The following ARID3A variants were observed in gnomAD, a reference collection of about 807,000 sequenced individuals.
ARID3A encodes AT-rich interactive domain-containing protein 3A.
A neutral mutation model predicts 52.7 loss-of-function variants in ARID3A; 11 were observed. That is an observed-to-expected ratio of 0.21 (90% confidence interval 0.13 to 0.35). ARID3A has a LOEUF of 0.35. Ranked by LOEUF, ARID3A falls within the 10% of genes least tolerant of loss-of-function variation. The probability of loss-of-function intolerance (pLI) is 1.00; values close to 1 mark genes in which losing one functional copy is unlikely to be tolerated. For missense variants in ARID3A, 721 were observed against 838.5 expected, an observed-to-expected ratio of 0.86 and a Z score of 1.73; for synonymous variants, 404 against 359.4, an observed-to-expected ratio of 1.12 and a Z score of -1.40.
chr19:939,959 T>C (rs1022445755), intron 3 of ARID3A, among the ~76,000 whole-genome samples: 1 of 152,042 alleles, frequency 6.6e-6, no homozygotes, highest in Non-Finnish European at 1.5e-5. Flanking sequence ...AAGGTAGCAC[T>C]GGGGTCTGCC....
At position 929,437 on chromosome 19, in the gene ARID3A, C is replaced by G; in HGVS notation, c.-92C>G. The stretch of plus-strand genomic sequence containing the variant: ...GCCCCCACGCTGCAGTGCGGCCGGG[C>G]CCCCTCCCCGCAGGGGCCGCCCCCG... On this transcript the variant is annotated 5_prime_UTR_variant, in exon 2 of 9. Coordinates refer to ENST00000263620, the MANE Select transcript of ARID3A (RefSeq NM_005224.3). This position sits in a 1 kb window ranked among gnomAD's most constrained non-coding sequence, Gnocchi z 6.2. 17 of 1,154,622 alleles carry G rather than the reference C, an allele frequency of 1.5e-5. No homozygotes were observed. Among genetic ancestry groups the G allele is most frequent in the African/African-American group, 1.7e-5 (1 of 58,310 alleles). 71.5% of individuals were successfully genotyped at this position (1,154,622 alleles called of 1,614,324 possible).
At chr19:966,472 A>G (rs956461982) in intron 6 of ARID3A, 100 bp from the exon 7 acceptor site, 6 of 1,083,758 alleles carry the variant, frequency 5.5e-6, no homozygotes, top group Non-Finnish European at 7.6e-6. Flanking sequence ...AAAAAAAAAA[A>G]AAAGAAAAGA....
In ARID3A at chr19:973,104, A is replaced by ATCT. The variant is rs775338115; in HGVS notation, c.*1040_*1041insCTT. 3.7e-5 allele frequency: 2 copies of ATCT among 53,660 alleles called. No homozygotes were observed. Among genetic ancestry groups the ATCT allele is most frequent in the East Asian group, 4.9e-4 (1 of 2,046 alleles). The allele number at this position is 53,660 out of a possible 1,614,324, so 3.3% of individuals were successfully genotyped here. A position where few individuals can be genotyped will look rare whatever the true frequency, so the allele number is the denominator to read the frequency against. ...GGGCTCTCGAGTCAGGGGCCTGGAA[A>ATCT]TTTTTTTTTTTTTTTTTTTTTGAGA... On this transcript the variant is annotated 3_prime_UTR_variant, in exon 9 of 9. Transcript: ENST00000263620.
chr19:933,849 G>GT (rs1192968941), intron 3 of ARID3A, among the ~76,000 whole-genome samples: 4 of 148,198 alleles, frequency 2.7e-5, no homozygotes, highest in Middle Eastern at 3.4e-3. Context: ...GACTCGGTGG[G>GT]GGGGGGGGGC....
chr19:970,780 A>G (rs2038262581), intron 8 of ARID3A, among the ~76,000 whole-genome samples: 1 of 151,946 alleles, frequency 6.6e-6, no homozygotes, highest in Non-Finnish European at 1.5e-5. Flanking sequence ...GCGGTAAATG[A>G]ATAGTTTTTC....
chr19:972,132 C>A lies in ARID3A; in HGVS notation c.*67C>A. ...GCCTGGGCAGGGGGTCCAGGTGGGC[C>A]ACACAGGGGCCAGGATGGCGGAAGA... On this transcript the variant is annotated 3_prime_UTR_variant, in exon 9 of 9. Transcript: ENST00000263620. The A allele has an allele frequency of 1.4e-6, 2 of 1,418,242 alleles. No individual in the cohort carries two copies. The highest frequency in any genetic ancestry group is 1.5e-5 in the African/African-American group (1 of 65,676). The allele number at this position is 1,418,242 out of a possible 1,614,324, so 87.9% of individuals were successfully genotyped here.
Position 960,875 on chromosome 19 carries a change from G to A in ARID3A, c.766+711G>A, listed in dbSNP as rs1325163311. On this transcript the variant is annotated intron_variant, in intron 4 of 8. Transcript: ENST00000263620. The surrounding 1 kb of genome is among the most constrained non-coding windows in gnomAD (Gnocchi z 4.3). Reference sequence around the variant, plus strand: ...CAGGTCTGGGCTGGTGTCCAGGTGGGGAAACTGAGGTCCAGACACAAGACA... The same window carrying A: ...CAGGTCTGGGCTGGTGTCCAGGTGGAGAAACTGAGGTCCAGACACAAGACA... Among the ~76,000 whole-genome samples the A allele has an allele frequency of 6.6e-6, 1 of 152,160 alleles. No individual in the cohort carries two copies. Among genetic ancestry groups the A allele is most frequent in the Non-Finnish European group, 1.5e-5 (1 of 68,020 alleles).
At position 968,487 on chromosome 19, in the gene ARID3A, C is replaced by T. The variant is rs759767653; in HGVS notation, c.1578C>T (p.Asn526=). 8.1e-6 allele frequency: 13 copies of T among 1,613,808 alleles called. No homozygotes were observed. The highest frequency in any genetic ancestry group is 4.0e-5 in the African/African-American group (3 of 74,934). ...SNSISMSVEI[N]GIMYTGVLFA... ...GCATCAGCATGTCGGTGGAGATCAACGGCATCATGTACACAGGTAGGACCC... is the reference window on the plus strand; with the variant it reads ...GCATCAGCATGTCGGTGGAGATCAATGGCATCATGTACACAGGTAGGACCC... Residue 526 remains asparagine (N), a synonymous_variant, in exon 8 of 9, where the codon AAC becomes AAT. Transcript: ENST00000263620.
At chr19:936,225 T>C (rs1265566581) in intron 3 of ARID3A, among the ~76,000 whole-genome samples, 1 of 152,274 alleles carries the variant, frequency 6.6e-6, no homozygotes, top group Non-Finnish European at 1.5e-5. Context: ...TTTATTGGGC[T>C]ATACTTCATA....
At chr19:954,814 G>T (rs567245054) in intron 3 of ARID3A, among the ~76,000 whole-genome samples, 6 of 151,384 alleles carry the variant, frequency 4.0e-5, no homozygotes, top group African/African-American at 7.3e-5. Context: ...GAAGGCGGCC[G>T]CTCGGGGCTG....
In ARID3A at chr19:938,657, T is replaced by G. The variant is rs2037484227; in HGVS notation, c.693+5915T>G. Among the ~76,000 whole-genome samples the G allele has an allele frequency of 6.6e-6, 1 of 152,160 alleles. No individual in the cohort carries two copies. The highest frequency in any genetic ancestry group is 1.5e-5 in the Non-Finnish European group (1 of 68,020). On this transcript the variant is annotated intron_variant, in intron 3 of 8. Transcript: ENST00000263620. This position sits in a 1 kb window ranked among gnomAD's most constrained non-coding sequence, Gnocchi z 4.0. ...GCCAGACCTCAGTGCTGTCCTCATATCCAGGCCTCCGGGCCTGACAGCTGG... is the reference window on the plus strand; with the variant it reads ...GCCAGACCTCAGTGCTGTCCTCATAGCCAGGCCTCCGGGCCTGACAGCTGG...
chr19:956,359 A>G (rs2037917075), intron 3 of ARID3A: 1 of 152,282 alleles, frequency 6.6e-6, no homozygotes, highest in Non-Finnish European at 1.5e-5. Flanking sequence ...TGCTCGGCTG[A>G]TTCCAGACTC....
At chr19:934,885 G>A (rs2037407305) in intron 3 of ARID3A, among the ~76,000 whole-genome samples, 1 of 152,236 alleles carries the variant, frequency 6.6e-6, no homozygotes, top group Non-Finnish European at 1.5e-5. Flanking sequence ...TGGGATTACA[G>A]GCCTGAGCCA....
At chr19:965,960 C>G (rs1189991365) in intron 6 of ARID3A, among the ~76,000 whole-genome samples, 5 of 146,934 alleles carry the variant, frequency 3.4e-5, no homozygotes, top group Non-Finnish European at 7.4e-5. Context: ...TCACTGCATT[C>G]CAGCCTCAGC....
chr19:960,247 G>T lies in ARID3A; in HGVS notation c.766+83G>T. On this transcript the variant is annotated intron_variant, in intron 4 of 8. Transcript: ENST00000263620. The surrounding 1 kb of genome is among the most constrained non-coding windows in gnomAD (Gnocchi z 4.3). ...GGGCCCTACTGGCTCCAGGTATGTCGGGGCGGTGGTGAGCACCCCGTGGCT... is the reference window on the plus strand; with the variant it reads ...GGGCCCTACTGGCTCCAGGTATGTCTGGGCGGTGGTGAGCACCCCGTGGCT... The T allele has an allele frequency of 7.4e-7, 1 of 1,342,432 alleles. No homozygotes were observed. Among genetic ancestry groups the T allele is most frequent in the Non-Finnish European group, 1.0e-6 (1 of 976,458 alleles). The allele number at this position is 1,342,432 out of a possible 1,614,324, so 83.2% of individuals were successfully genotyped here. A position where few individuals can be genotyped will look rare whatever the true frequency, so the allele number is the denominator to read the frequency against.
chr19:973,491 C>T lies in ARID3A; in HGVS notation c.*1426C>T. On this transcript the variant is annotated 3_prime_UTR_variant, in exon 9 of 9. Coordinates refer to ENST00000263620, the MANE Select transcript of ARID3A (RefSeq NM_005224.3). ...GGCGGGGGTGGTTCTTGTCGAAGCC[C>T]CCAGGCTCCTGTCTCAGGGATGAAT... 4.6e-6 allele frequency: 1 copy of T among 217,184 alleles called. No homozygotes were observed. Among genetic ancestry groups the T allele is most frequent in the Non-Finnish European group, 9.3e-6 (1 of 107,864 alleles). The allele number at this position is 217,184 out of a possible 1,614,324, so 13.5% of individuals were successfully genotyped here. A position where few individuals can be genotyped will look rare whatever the true frequency, so the allele number is the denominator to read the frequency against.
intron 8 of ARID3A, among the ~76,000 whole-genome samples, chr19:971,466 C>T (rs2038274353): frequency 6.6e-6 from 1 of 152,112 alleles, no homozygotes; most frequent in Non-Finnish European, 1.5e-5. Context: ...AAAAAATTGG[C>T]TGGTGTAGTG....
chr19:945,736 A>T (rs948681913), intron 3 of ARID3A, among the ~76,000 whole-genome samples: 6 of 152,088 alleles, frequency 3.9e-5, no homozygotes, highest in Non-Finnish European at 8.8e-5. Flanking sequence ...CCCGTGTCCC[A>T]TTGTGGGGAC....
Position 966,787 on chromosome 19 carries a change from C to A in ARID3A, c.1414C>A (p.Arg472=). Residue 472 remains arginine (R), a synonymous_variant, in exon 7 of 9, where the codon CGG becomes AGG. Transcript: ENST00000263620. ...KMALVADEQQ[R]LMQRALQQNF... ...GGCCCTGGTGGCCGATGAGCAGCAA[C>A]GGCTGATGCAACGTGCACTCCAGCA... 1 of 1,613,646 alleles carries A rather than the reference C, an allele frequency of 6.2e-7. No individual in the cohort carries two copies.
Sources: allele counts gnomAD v4.1 joint callset (sites outside exome capture counted in the v4.1 genomes callset), GRCh38; gene constraint gnomAD v4.1.1; non-coding constraint Gnocchi (gnomAD v3.1); transcripts MANE v1.5; gene names NCBI Gene and HGNC (gene_info 2026-07-23, HGNC 2026-07-21).